Variants in GRIA3 observed in about 807,000 individuals in gnomAD.
GRIA3 encodes glutamate ionotropic receptor AMPA type subunit 3.
In GRIA3, 3 loss-of-function variants were observed where a neutral mutation model predicts 63.0. That is an observed-to-expected ratio of 0.05 (90% CI 0.02 to 0.12). The LOEUF (loss-of-function observed/expected upper bound fraction) is 0.12. Among genes scored for constraint, GRIA3 ranks in the 10% least tolerant of loss-of-function variants. GRIA3 has a pLI of 1.00. For missense variants in GRIA3, 347 were observed against 700.9 expected (o/e 0.50, Z 5.70); for synonymous variants, 274 against 257.9 (o/e 1.06, Z -0.60).
intron 2 of GRIA3, among the ~76,000 whole-genome samples, chrX:123,239,449 G>A (rs190380434): frequency 9.2e-6 from 1 of 109,179 alleles, no homozygotes; most frequent in African/African-American, 3.3e-5. Context: ...GCCAAAAAAA[G>A]GTGGATGTTT....
In GRIA3 at chrX:123,362,129, A is replaced by G. The variant is rs757593687; in HGVS notation, c.750+7166A>G. Among the ~76,000 whole-genome samples, 1 of 111,744 alleles carries G rather than the reference A, an allele frequency of 8.9e-6. No individual in the cohort carries two copies. Among genetic ancestry groups the G allele is most frequent in the South Asian group, 3.7e-4 (1 of 2,670 alleles). ...GCACTGCTCTGAAGGTCTTTACAGT[A>G]AGTGTTTTTTTCTATATATACCACT... On this transcript the variant is annotated intron_variant, in intron 5 of 15. Transcript: ENST00000620443.
At chrX:123,462,669 C>G (rs776863421) in intron 12 of GRIA3, among the ~76,000 whole-genome samples, 1 of 111,426 alleles carries the variant, frequency 9.0e-6, no homozygotes, top group South Asian at 3.8e-4. Context: ...TTCCAGCCCC[C>G]CCTGGAATTA....
At chrX:123,283,695 A>T (rs1156557402) in intron 3 of GRIA3, among the ~76,000 whole-genome samples, 1 of 112,304 alleles carries the variant, frequency 8.9e-6, no homozygotes, top group Non-Finnish European at 1.9e-5. Flanking sequence ...CTCCCTCTCT[A>T]GATTCCCCTT....
At chrX:123,250,001 A>G (rs942661453) in intron 2 of GRIA3, among the ~76,000 whole-genome samples, 2 of 111,750 alleles carry the variant, frequency 1.8e-5, no homozygotes, top group Non-Finnish European at 3.8e-5. Flanking sequence ...ATACAATATG[A>G]CTCCCTTGAT....
chrX:123,222,908 T>C (rs1472223966), intron 2 of GRIA3, among the ~76,000 whole-genome samples: 1 of 112,451 alleles, frequency 8.9e-6, no homozygotes, highest in Non-Finnish European at 1.9e-5. Context: ...GCCTAACATC[T>C]TGTTTCCCTC....
At chrX:123,357,547 T>C (rs1168175095) in intron 5 of GRIA3, among the ~76,000 whole-genome samples, 1 of 108,775 alleles carries the variant, frequency 9.2e-6, no homozygotes, top group Admixed American at 1.0e-4. Context: ...GTACCCATCA[T>C]CTCAAGAATT....
chrX:123,277,916 T>C (rs1402591582), intron 3 of GRIA3, among the ~76,000 whole-genome samples: 5 of 112,091 alleles, frequency 4.5e-5, no homozygotes, highest in Non-Finnish European at 9.4e-5. Flanking sequence ...TTCTAGGGAA[T>C]GCCAGGGTTG....
At chrX:123,238,889 T>C (rs2044315414) in intron 2 of GRIA3, among the ~76,000 whole-genome samples, 1 of 110,317 alleles carries the variant, frequency 9.1e-6, no homozygotes, top group African/African-American at 3.3e-5. Context: ...AAAGGTGTGG[T>C]CATGCTGTCA....
At chrX:123,335,930 T>A (rs2044971421) in intron 4 of GRIA3, among the ~76,000 whole-genome samples, 2 of 111,856 alleles carry the variant, frequency 1.8e-5, no homozygotes, top group Non-Finnish European at 3.8e-5. Flanking sequence ...TTAATGAAAT[T>A]TTTAAAATCA....
intron 5 of GRIA3, among the ~76,000 whole-genome samples, chrX:123,384,105 T>C (rs1315735288): frequency 1.8e-5 from 2 of 112,160 alleles, no homozygotes; most frequent in Non-Finnish European, 3.8e-5. Flanking sequence ...CAGTCTATCA[T>C]TGATGGGCCT....
intron 5 of GRIA3, among the ~76,000 whole-genome samples, chrX:123,376,448 G>T (rs1243006227): frequency 9.0e-6 from 1 of 111,485 alleles, no homozygotes; most frequent in Non-Finnish European, 1.9e-5. Context: ...CTTTGCTAAA[G>T]TTGGCATAAG....
intron 15 of GRIA3, 65 bp downstream of exon 15, chrX:123,483,111 C>CTTTTTTTTTTTTTTTTT: frequency 1.3e-6 from 1 of 741,868 alleles, no homozygotes. Flanking sequence ...TTTTTTTCTT[C>CTTTTTTTTTTTTTTTTT]TTTTTTTTTT....
At chrX:123,350,287 T>C (rs1476679844) in intron 4 of GRIA3, among the ~76,000 whole-genome samples, 2 of 105,649 alleles carry the variant, frequency 1.9e-5, no homozygotes, top group Admixed American at 2.1e-4. Context: ...TCAATCTTTA[T>C]ACATAGATCC....
chrX:123,362,521 G>A (rs2045182312), intron 5 of GRIA3, among the ~76,000 whole-genome samples: 1 of 111,050 alleles, frequency 9.0e-6, no homozygotes, highest in African/African-American at 3.3e-5. Context: ...GGCAATTTTG[G>A]GTAGAGCAGA....
intron 3 of GRIA3, among the ~76,000 whole-genome samples, chrX:123,286,034 C>T (rs1366051384): frequency 8.9e-6 from 1 of 111,900 alleles, no homozygotes; most frequent in African/African-American, 3.3e-5. Context: ...CACTCCTCAG[C>T]AAATGCAAAA....
chrX:123,365,138 G>A (rs1194244568), intron 5 of GRIA3, among the ~76,000 whole-genome samples: 3 of 111,798 alleles, frequency 2.7e-5, no homozygotes, highest in East Asian at 2.8e-4. Context: ...AGGTAAGCAA[G>A]GTGATGGATA....
intron 2 of GRIA3, among the ~76,000 whole-genome samples, chrX:123,232,941 A>G (rs903371256): frequency 9.0e-6 from 1 of 111,015 alleles, no homozygotes; most frequent in Non-Finnish European, 1.9e-5. Flanking sequence ...CAGATAATAA[A>G]TCTACCCCCA....
At chrX:123,270,913 A>G (rs2044517502) in intron 3 of GRIA3, among the ~76,000 whole-genome samples, 1 of 112,673 alleles carries the variant, frequency 8.9e-6, no homozygotes, top group Non-Finnish European at 1.9e-5. Flanking sequence ...AAGAAGAAAG[A>G]TACACGAAAT....
chrX:123,276,817 C>T lies in GRIA3; in HGVS notation c.508+23275C>T, dbSNP rs369023057. On this transcript the variant is annotated intron_variant, in intron 3 of 15. Transcript: ENST00000620443. ...CTTCCCTACTGCCTCTAGAGCTGTA[C>T]CTCTAGAGCAGTGTATTAGAGACAG... Among the ~76,000 whole-genome samples, 8 of 111,647 alleles carry T rather than the reference C, an allele frequency of 7.2e-5. No homozygotes were observed. The East Asian group carries it at 2.0e-3, about 28-fold the overall frequency.
Sources: allele counts gnomAD v4.1 joint callset (sites outside exome capture counted in the v4.1 genomes callset), GRCh38; gene constraint gnomAD v4.1.1; transcripts MANE v1.5; gene names NCBI Gene and HGNC (gene_info 2026-07-23, HGNC 2026-07-21).